The following VEPH1 variants were observed in gnomAD, a reference collection of about 807,000 sequenced individuals.
The protein encoded by VEPH1 is ventricular zone expressed PH domain containing 1.
In VEPH1, 80 loss-of-function variants were observed where a neutral mutation model predicts 85.2. The ratio of observed to expected loss-of-function variants is 0.94; its 90% confidence interval spans 0.78 to 1.13. The LOEUF is 1.13. VEPH1 is among the 50% of genes most tolerant of loss of function. The pLI is 0.00. For synonymous variants in VEPH1, 297 were observed against 348.0 expected, an observed-to-expected ratio of 0.85 and a Z score of 1.63; for missense variants, 955 against 980.5, an observed-to-expected ratio of 0.97 and a Z score of 0.35.
Position 157,284,022 on chromosome 3 carries a change from T to C in VEPH1, c.2128+2535A>G, listed in dbSNP as rs138870526. Among the ~76,000 whole-genome samples, 657 of 152,292 alleles carry C rather than the reference T, an allele frequency of 4.3e-3. 1 individual carries two copies. Among genetic ancestry groups the C allele is most frequent in the Admixed American group, 6.5e-3 (100 of 15,290 alleles). ...CTAGGCGCTAAGACAGGCAGGTAAG[T>C]GGATCAAGCCTTTACAAGCGGTGAC... On this transcript the variant is annotated intron_variant, in intron 12 of 13. Coordinates refer to ENST00000362010, the MANE Select transcript of VEPH1 (RefSeq NM_001167912.2).
intron 2 of VEPH1, among the ~76,000 whole-genome samples, chr3:157,491,816 C>G (rs1739235562): frequency 6.6e-6 from 1 of 152,162 alleles, no homozygotes; most frequent in Non-Finnish European, 1.5e-5. Context: ...AATTACAAGT[C>G]TTGATTCAAC....
At chr3:157,409,787 A>G in intron 6 of VEPH1, 2 of 985,368 alleles carry the variant, frequency 2.0e-6, no homozygotes, top group Non-Finnish European at 2.4e-6. Flanking sequence ...AAGGTGAGGC[A>G]TAAGCCAATC....
chr3:157,284,131 G>A (rs553529727), intron 12 of VEPH1, among the ~76,000 whole-genome samples: 10 of 152,210 alleles, frequency 6.6e-5, no homozygotes, highest in East Asian at 3.9e-4. Context: ...ATTTGATATC[G>A]TTACCATATA....
intron 12 of VEPH1, among the ~76,000 whole-genome samples, chr3:157,279,402 G>C (rs1191498846): frequency 6.6e-6 from 1 of 152,192 alleles, no homozygotes; most frequent in Non-Finnish European, 1.5e-5. Context: ...ACTACAGAGA[G>C]AGATGATAGA....
intron 12 of VEPH1, among the ~76,000 whole-genome samples, chr3:157,268,113 A>T (rs1713986985): frequency 6.6e-6 from 1 of 152,340 alleles, no homozygotes; most frequent in Non-Finnish European, 1.5e-5. Flanking sequence ...TCTGATGTGG[A>T]GCATTCTTAA....
At chr3:157,442,887 G>C (rs774290655) in intron 4 of VEPH1, 1 of 1,614,190 alleles carries the variant, frequency 6.2e-7, no homozygotes, top group East Asian at 2.2e-5. Context: ...AAGAGAGACC[G>C]GAGGAGCAGA....
intron 9 of VEPH1, among the ~76,000 whole-genome samples, chr3:157,362,334 A>C (rs1370971440): frequency 1.4e-4 from 22 of 152,048 alleles, no homozygotes. Flanking sequence ...CCCAGCCTTT[A>C]CTGAGTTTTA....
intron 9 of VEPH1, among the ~76,000 whole-genome samples, chr3:157,357,956 G>A (rs1725630729): frequency 6.6e-6 from 1 of 152,160 alleles, no homozygotes; most frequent in Non-Finnish European, 1.5e-5. Flanking sequence ...GATGCAAGTA[G>A]GTGACATCCT....
intron 4 of VEPH1, chr3:157,443,316 T>C (rs530745825): frequency 1.1e-4 from 23 of 207,268 alleles, no homozygotes; most frequent in Non-Finnish European, 2.1e-4. Context: ...AATTTTGTTT[T>C]GGCCAGAGAT....
intron 1 of VEPH1, among the ~76,000 whole-genome samples, chr3:157,503,042 T>A (rs564796473): frequency 6.6e-6 from 1 of 152,184 alleles, no homozygotes; most frequent in African/African-American, 2.4e-5. Context: ...CCTAGAGACA[T>A]GTTTTAATAA....
At chr3:157,343,869 C>G (rs1577389762) in intron 9 of VEPH1, among the ~76,000 whole-genome samples, 2 of 152,142 alleles carry the variant, frequency 1.3e-5, no homozygotes. Context: ...AAGGCTGATT[C>G]AACATACGCA....
At chr3:157,468,137 T>C (rs1360195061) in intron 3 of VEPH1, among the ~76,000 whole-genome samples, 4 of 152,314 alleles carry the variant, frequency 2.6e-5, no homozygotes, top group African/African-American at 9.6e-5. Flanking sequence ...CTTCTCACTC[T>C]ACTTAGCCTA....
intron 6 of VEPH1, among the ~76,000 whole-genome samples, chr3:157,412,643 G>A (rs1349961259): frequency 6.6e-6 from 1 of 152,150 alleles, no homozygotes; most frequent in Non-Finnish European, 1.5e-5. Context: ...AAGGCAGAGT[G>A]TGGTGAGGCA....
At position 157,495,497 on chromosome 3, in the gene VEPH1, T is replaced by C. The variant is rs560174886; in HGVS notation, c.-148A>G. 2.5e-5 allele frequency: 37 copies of C among 1,482,234 alleles called. No individual in the cohort carries two copies. The South Asian group carries it at 4.2e-4, about 17-fold the overall frequency. The allele number at this position is 1,482,234 out of a possible 1,614,324, so 91.8% of individuals were successfully genotyped here. On this transcript the variant is annotated 5_prime_UTR_variant, in exon 2 of 14. The change abolishes an upstream ATG in the 5' untranslated region. Transcript: ENST00000362010. Reference sequence around the variant, plus strand: ...TTTTCTCCAGACTTTGAGGTCTTCATTGACACTCTCTGCAAGGGAAACAAA... The same window carrying C: ...TTTTCTCCAGACTTTGAGGTCTTCACTGACACTCTCTGCAAGGGAAACAAA...
chr3:157,364,582 T>G, intron 7 of VEPH1, 70 bp from the exon 8 acceptor site: 3 of 1,428,500 alleles, frequency 2.1e-6, no homozygotes, highest in Non-Finnish European at 2.9e-6. Flanking sequence ...TATTCTCTAT[T>G]TAACTGCCTC....
chr3:157,394,837 A>G (rs1471276746), intron 6 of VEPH1, among the ~76,000 whole-genome samples: 1 of 152,116 alleles, frequency 6.6e-6, no homozygotes, highest in East Asian at 1.9e-4. Flanking sequence ...GGTAATTGTG[A>G]GTGGTGTCCC....
At chr3:157,322,315 T>C (rs1721437475) in intron 9 of VEPH1, among the ~76,000 whole-genome samples, 1 of 152,244 alleles carries the variant, frequency 6.6e-6, no homozygotes, top group Admixed American at 6.5e-5. Context: ...AGCTGAATTA[T>C]TTTCCATTGT....
chr3:157,415,922 C>T (rs1406604380), intron 5 of VEPH1, among the ~76,000 whole-genome samples: 1 of 152,084 alleles, frequency 6.6e-6, no homozygotes, highest in Non-Finnish European at 1.5e-5. Flanking sequence ...TCTCCTCTTC[C>T]TTCTCAGTCT....
At chr3:157,442,380 ATTT>A (rs1191399813) in intron 4 of VEPH1, 5 of 1,610,252 alleles carry the variant, frequency 3.1e-6, no homozygotes, top group Non-Finnish European at 4.2e-6. Context: ...TGAAACAGCT[ATTT>A]TATTCCCAAT....
Sources: allele counts gnomAD v4.1 joint callset (sites outside exome capture counted in the v4.1 genomes callset), GRCh38; gene constraint gnomAD v4.1.1; transcripts MANE v1.5; gene names NCBI Gene and HGNC (gene_info 2026-07-23, HGNC 2026-07-21).